Variants in VAC14 observed in about 807,000 individuals in gnomAD.
VAC14 encodes the protein protein VAC14 homolog.
In VAC14, 47 loss-of-function variants were observed where a neutral mutation model predicts 85.3. The observed-to-expected ratio is 0.55, with a 90% CI of 0.44 to 0.70. The LOEUF (loss-of-function observed/expected upper bound fraction) is 0.70, where lower values mean the gene tolerates loss of function less well. Among genes scored for constraint, VAC14 ranks in the 30% least tolerant of loss-of-function variants. The pLI, the probability that VAC14 is intolerant of heterozygous loss-of-function variation, is 0.00. For synonymous variants in VAC14, 447 were observed against 430.5 expected (o/e 1.04, Z -0.47); for missense variants, 861 against 1,004.3 (o/e 0.86, Z 1.93).
intron 9 of VAC14, chr16:70,778,290 G>A (rs2033626650): frequency 6.6e-6 from 1 of 152,126 alleles, no homozygotes; most frequent in African/African-American, 2.4e-5. Flanking sequence ...GCTCCAGCTG[G>A]TAGGGATGTT....
chr16:70,689,617 G>C (rs773221056), intron 18 of VAC14: 492 of 985,552 alleles, frequency 5.0e-4, no homozygotes, highest in Non-Finnish European at 5.8e-4. Context: ...CCCTGCTGAA[G>C]ATGCACCACC....
chr16:70,793,098 C>A (rs1190417198), intron 1 of VAC14, among the ~76,000 whole-genome samples: 1 of 152,204 alleles, frequency 6.6e-6, no homozygotes, highest in Admixed American at 6.5e-5. Flanking sequence ...TGGCAATTCC[C>A]TTGTGCAGAA....
chr16:70,725,132 G>A (rs1266273228), intron 14 of VAC14, among the ~76,000 whole-genome samples: 1 of 152,260 alleles, frequency 6.6e-6, no homozygotes, highest in Non-Finnish European at 1.5e-5. Context: ...CCATCCATTA[G>A]CACCAGCACA....
chr16:70,728,561 G>C (rs1191451636), intron 14 of VAC14, among the ~76,000 whole-genome samples: 1 of 152,204 alleles, frequency 6.6e-6, no homozygotes, highest in Admixed American at 6.5e-5. Context: ...CAGTGGGCTG[G>C]CCTCCAGCTT....
chr16:70,691,363 C>G (rs761134657), intron 18 of VAC14: 1 of 985,486 alleles, frequency 1.0e-6, no homozygotes, highest in Non-Finnish European at 1.2e-6. Flanking sequence ...TCCGGCTGCA[C>G]CTTCCCCTCC....
intron 8 of VAC14, 113 bp downstream of exon 8, chr16:70,781,756 C>G: frequency 7.0e-7 from 1 of 1,426,006 alleles, no homozygotes; most frequent in Non-Finnish European, 9.5e-7. Context: ...CTGCTAGGGA[C>G]TATGGAAGTG....
rs747206402 is a variant in VAC14 at position 70,744,436 on chromosome 16, T to G, written c.1515A>C (p.Leu505=). The G allele has an allele frequency of 6.6e-5, 106 of 1,613,858 alleles. No individual in the cohort carries two copies. Among genetic ancestry groups the G allele is most frequent in the Non-Finnish European group, 8.4e-5 (99 of 1,180,004 alleles). Residue 505 remains leucine, a synonymous_variant, in exon 13 of 19, where the codon CTA becomes CTC. Coordinates refer to ENST00000261776, the MANE Select transcript of VAC14 (RefSeq NM_018052.5). ...GAGAAGACTTACCAGAGGTGTTCAG[T>G]AGGCCGGCTCTGCCAGGGGTGGGCA... The part of the protein sequence containing the change: ...LQVPTPGRAG[L]LNTSGTKGLE...
intron 14 of VAC14, chr16:70,700,319 G>A (rs969053712): frequency 6.6e-6 from 1 of 152,266 alleles, no homozygotes; most frequent in Non-Finnish European, 1.5e-5. Context: ...CACAGGGAGG[G>A]GGTGGCGGCC....
Position 70,687,983 on chromosome 16 carries a change from A to G in VAC14, c.2294T>C (p.Val765Ala), listed in dbSNP as rs957009165. 3 of 1,597,306 alleles carry G rather than the reference A, an allele frequency of 1.9e-6. No homozygotes were observed. In the African/African-American group the frequency reaches 4.0e-5, roughly 22 times the overall value. ...FEKVQNKHLE[V>A]RHQRSGRGDH... ...CCCACGCCCGCTCCGCTGGTGCCGCACTTCCAGGTGCTTGTTCTGGACCTT... is the reference window on the plus strand; with the variant it reads ...CCCACGCCCGCTCCGCTGGTGCCGCGCTTCCAGGTGCTTGTTCTGGACCTT... The change falls in exon 19 of 19, where the codon GTG (valine) becomes GCG (alanine). Residue 765 changes from valine (V) to alanine (A), a missense_variant. By Grantham distance (64) the Val-to-Ala change is moderately conservative (BLOSUM62 0). Transcript: ENST00000261776.
intron 9 of VAC14, among the ~76,000 whole-genome samples, chr16:70,774,442 C>T (rs1488176692): frequency 2.6e-5 from 4 of 152,320 alleles, no homozygotes; most frequent in Admixed American, 1.3e-4. Context: ...TTACTGGTGA[C>T]GTTAACCTCA....
At chr16:70,754,218 G>A (rs917967930) in intron 12 of VAC14, among the ~76,000 whole-genome samples, 5 of 152,218 alleles carry the variant, frequency 3.3e-5, no homozygotes, top group African/African-American at 1.2e-4. Context: ...GGTGGCTGCT[G>A]TGGGCACTGA....
intron 12 of VAC14, among the ~76,000 whole-genome samples, chr16:70,758,276 C>T (rs1222904634): frequency 6.6e-6 from 1 of 152,130 alleles, no homozygotes; most frequent in Non-Finnish European, 1.5e-5. Context: ...GGGGGTTACG[C>T]TTTCTCTTTA....
chr16:70,792,729 G>C (rs2034392182), intron 1 of VAC14, among the ~76,000 whole-genome samples: 2 of 152,138 alleles, frequency 1.3e-5, no homozygotes, highest in African/African-American at 4.8e-5. Flanking sequence ...GGAGAGCCTG[G>C]GGCCATCCAG....
intron 14 of VAC14, among the ~76,000 whole-genome samples, chr16:70,710,590 C>T (rs1019034520): frequency 1.3e-5 from 2 of 152,234 alleles, no homozygotes; most frequent in African/African-American, 2.4e-5. Context: ...CTTCAGGCGA[C>T]GATTCCCAAA....
At chr16:70,690,614 T>A in intron 18 of VAC14, 1 of 985,410 alleles carries the variant, frequency 1.0e-6, no homozygotes, top group Non-Finnish European at 1.2e-6. Context: ...GAACCAGGGA[T>A]GGGCGAGGAG....
At chr16:70,697,013 G>C (rs2053725839) in intron 16 of VAC14, 126 bp downstream of exon 16, 1 of 733,642 alleles carries the variant, frequency 1.4e-6, no homozygotes, top group Non-Finnish European at 2.4e-6. Context: ...CACAAGCCCT[G>C]AGGCTGAGTG....
intron 10 of VAC14, chr16:70,768,701 C>T: frequency 2.5e-6 from 1 of 403,700 alleles, no homozygotes; most frequent in South Asian, 1.8e-5. Context: ...GTGTTTCGGT[C>T]CAAGTGAGAA....
At chr16:70,746,755 G>A (rs575140261) in intron 12 of VAC14, among the ~76,000 whole-genome samples, 1 of 152,286 alleles carries the variant, frequency 6.6e-6, no homozygotes, top group East Asian at 1.9e-4. Flanking sequence ...GGTCCTGCCC[G>A]ATTCAGCCCC....
chr16:70,766,311 G>A (rs2032808460), intron 10 of VAC14: 1 of 361,494 alleles, frequency 2.8e-6, no homozygotes, highest in East Asian at 7.8e-5. Flanking sequence ...GCCCTAAGAT[G>A]CTGCTGGCCA....
Sources: gnomAD v4.1 joint callset for allele counts (sites outside exome capture counted in the v4.1 genomes callset) on GRCh38, gnomAD v4.1.1 for gene constraint, MANE v1.5 for transcripts, NCBI Gene and HGNC (gene_info 2026-07-23, HGNC 2026-07-21) for gene names.